The following TACR1 variants were observed in gnomAD, a reference collection of about 807,000 sequenced individuals.
The protein encoded by TACR1 is tachykinin receptor 1.
TACR1 carries 25 observed loss-of-function variants against 35.8 expected under a neutral mutation model. The observed-to-expected ratio is 0.70, with a 90% CI of 0.51 to 0.98. The LOEUF (loss-of-function observed/expected upper bound fraction) is 0.98. Ranked by LOEUF, TACR1 falls within the 50% of genes least tolerant of loss-of-function variation. TACR1 has a pLI of 0.00. For synonymous variants in TACR1, 195 were observed against 206.7 expected (o/e 0.94, Z 0.48); for missense variants, 478 against 522.9 (o/e 0.91, Z 0.84).
At chr2:75,092,713 T>C (rs560988196) in intron 2 of TACR1, among the ~76,000 whole-genome samples, 4 of 152,252 alleles carry the variant, frequency 2.6e-5, no homozygotes, top group African/African-American at 7.2e-5. Context: ...AGAGCCCCAC[T>C]GGATTCTCAC....
intron 2 of TACR1, among the ~76,000 whole-genome samples, chr2:75,113,358 C>G (rs967665418): frequency 2.0e-5 from 3 of 152,076 alleles, no homozygotes; most frequent in African/African-American, 7.2e-5. Flanking sequence ...CTCACACTTT[C>G]ACCTCCTAAT....
chr2:75,148,572 G>T (rs1295962135), intron 1 of TACR1, among the ~76,000 whole-genome samples: 2 of 152,042 alleles, frequency 1.3e-5, no homozygotes, highest in Admixed American at 6.6e-5. Flanking sequence ...GGAGTTGCTT[G>T]TTTTTTTCTT....
chr2:75,078,830 C>T (rs553718320), intron 2 of TACR1, among the ~76,000 whole-genome samples: 2 of 152,254 alleles, frequency 1.3e-5, no homozygotes, highest in South Asian at 4.1e-4. Flanking sequence ...CACCATGATC[C>T]ATCTTTTGTA....
At chr2:75,100,412 C>T (rs1465066677) in intron 2 of TACR1, among the ~76,000 whole-genome samples, 1 of 152,142 alleles carries the variant, frequency 6.6e-6, no homozygotes. Context: ...GTGGTTGTCT[C>T]GATTTGGAAT....
chr2:75,154,526 A>ACACACACACACACACACACTCTCTCT (rs1379600710), intron 1 of TACR1: 3 of 117,144 alleles, frequency 2.6e-5, no homozygotes, highest in African/African-American at 1.3e-4. Context: ...ACACACACAC[A>ACACACACACACACACACACTCTCTCT]CTCTCTGAAG....
intron 1 of TACR1, among the ~76,000 whole-genome samples, chr2:75,180,965 G>T (rs1016117400): frequency 3.9e-5 from 6 of 152,170 alleles, no homozygotes; most frequent in Admixed American, 1.3e-4. Context: ...CCTGCTCCAT[G>T]TTCCTGATTT....
chr2:75,180,393 C>G (rs1163788646), intron 1 of TACR1, among the ~76,000 whole-genome samples: 1 of 152,092 alleles, frequency 6.6e-6, no homozygotes, highest in Non-Finnish European at 1.5e-5. Flanking sequence ...TATACTTGCC[C>G]TTTTCTATGA....
At chr2:75,087,597 C>A (rs1291836958) in intron 2 of TACR1, among the ~76,000 whole-genome samples, 1 of 152,200 alleles carries the variant, frequency 6.6e-6, no homozygotes, top group Non-Finnish European at 1.5e-5. Context: ...AAGCAGAAAT[C>A]TGTGATTAAA....
At chr2:75,092,386 A>C (rs1572925203) in intron 2 of TACR1, among the ~76,000 whole-genome samples, 2 of 152,168 alleles carry the variant, frequency 1.3e-5, no homozygotes, top group Admixed American at 1.3e-4. Context: ...CTGCCAGTTA[A>C]TAGGACTTAC....
In TACR1 at chr2:75,057,127, G is replaced by A. The variant is rs1460935345; in HGVS notation, c.585-3372C>T. On this transcript the variant is annotated intron_variant, in intron 2 of 4. Coordinates refer to ENST00000305249, the MANE Select transcript of TACR1 (RefSeq NM_001058.4). ...CCATCATATCCCCTGTGACCTGCAC[G>A]TATACATCCAGATGGTCTGAAGTAA... Among the ~76,000 whole-genome samples the A allele has an allele frequency of 2.6e-5, 4 of 152,216 alleles. 1 individual carries two copies. Among genetic ancestry groups the A allele is most frequent in the African/African-American group, 9.7e-5 (4 of 41,450 alleles).
At chr2:75,133,339 T>A (rs1572948779) in intron 1 of TACR1, among the ~76,000 whole-genome samples, 1 of 150,650 alleles carries the variant, frequency 6.6e-6, no homozygotes, top group Non-Finnish European at 1.5e-5. Context: ...TTCATTTTTC[T>A]TTTGTCTAAT....
At chr2:75,094,339 A>G (rs1673369673) in intron 2 of TACR1, among the ~76,000 whole-genome samples, 1 of 152,214 alleles carries the variant, frequency 6.6e-6, no homozygotes, top group African/African-American at 2.4e-5. Flanking sequence ...TAAAGTATTA[A>G]GAAAATAGAA....
At chr2:75,112,386 C>T (rs1271570291) in intron 2 of TACR1, among the ~76,000 whole-genome samples, 2 of 151,818 alleles carry the variant, frequency 1.3e-5, no homozygotes, top group East Asian at 3.9e-4. Flanking sequence ...TATCAAACTG[C>T]CTAAACGTAC....
chr2:75,172,920 A>G (rs1330986143), intron 1 of TACR1, among the ~76,000 whole-genome samples: 2 of 151,884 alleles, frequency 1.3e-5, no homozygotes, highest in African/African-American at 2.4e-5. Context: ...CTATGTGTCC[A>G]AACTTCCTTT....
chr2:75,087,685 A>G (rs1673215116), intron 2 of TACR1, among the ~76,000 whole-genome samples: 1 of 152,210 alleles, frequency 6.6e-6, no homozygotes, highest in Non-Finnish European at 1.5e-5. Flanking sequence ...TTGCCATTTG[A>G]AACAGTAAAT....
At chr2:75,074,729 A>G (rs1006234688) in intron 2 of TACR1, among the ~76,000 whole-genome samples, 3 of 151,850 alleles carry the variant, frequency 2.0e-5, no homozygotes, top group African/African-American at 7.3e-5. Context: ...ATCATAGTCT[A>G]TAGGCTGCCT....
In TACR1 at chr2:75,198,703, C is replaced by T; in HGVS notation, c.232G>A (p.Glu78Lys). The part of the protein sequence containing the change: ...NYFLVNLAFA[E>K]ASMAAFNTVV... ...GTATTGAATGCAGCCATGGAGGCCT[C>T]CGCGAAGGCCAGGTTCACCAGAAAA... The change falls in exon 1 of 5, where the codon GAG becomes AAG. Residue 78 changes from glutamate to lysine, a missense_variant. Physicochemically the swap from Glu to Lys is moderately conservative, Grantham distance 56. Coordinates refer to ENST00000305249, the MANE Select transcript of TACR1 (RefSeq NM_001058.4). The T allele has an allele frequency of 1.2e-6, 2 of 1,614,194 alleles. No homozygotes were observed. The highest frequency in any genetic ancestry group is 4.5e-5 in the East Asian group (2 of 44,884).
intron 1 of TACR1, among the ~76,000 whole-genome samples, chr2:75,136,107 AG>A (rs1332345234): frequency 1.3e-5 from 2 of 152,146 alleles, no homozygotes; most frequent in Non-Finnish European, 2.9e-5. Flanking sequence ...GGGTGTGGGC[AG>A]GGGTTGGCGG....
intron 2 of TACR1, among the ~76,000 whole-genome samples, chr2:75,098,341 A>G (rs1673465565): frequency 6.6e-6 from 1 of 152,070 alleles, no homozygotes; most frequent in Non-Finnish European, 1.5e-5. Context: ...TTTGTCCTAG[A>G]TGTTTTCATT....
Sources: allele counts gnomAD v4.1 joint callset (sites outside exome capture counted in the v4.1 genomes callset), GRCh38; gene constraint gnomAD v4.1.1; transcripts MANE v1.5; gene names NCBI Gene and HGNC (gene_info 2026-07-23, HGNC 2026-07-21).